The following FAM20C variants were observed in gnomAD, a reference collection of about 807,000 sequenced individuals.
FAM20C encodes the protein FAM20C golgi associated secretory pathway kinase, also known as extracellular serine/threonine protein kinase FAM20C.
In FAM20C, 40 loss-of-function variants were observed where a neutral mutation model predicts 51.5. The observed-to-expected ratio is 0.78, with a 90% CI of 0.60 to 1.01. FAM20C has a LOEUF of 1.01. Ranked by LOEUF, FAM20C falls within the 50% of genes least tolerant of loss-of-function variation. The probability of loss-of-function intolerance (pLI) is 0.00; values close to 1 mark genes in which losing one functional copy is unlikely to be tolerated. For missense variants in FAM20C, 861 were observed against 844.7 expected, an observed-to-expected ratio of 1.02 and a Z score of -0.24; for synonymous variants, 406 against 380.6, an observed-to-expected ratio of 1.07 and a Z score of -0.78.
At chr7:246,915 C>T (rs1261309629) in intron 4 of FAM20C, among the ~76,000 whole-genome samples, 1 of 152,174 alleles carries the variant, frequency 6.6e-6, no homozygotes, top group Non-Finnish European at 1.5e-5. Flanking sequence ...CGCCTGCCCT[C>T]AGGGCACCTT....
intron 3 of FAM20C, among the ~76,000 whole-genome samples, chr7:231,134 C>G (rs1010149206): frequency 6.6e-6 from 1 of 152,082 alleles, no homozygotes; most frequent in Non-Finnish European, 1.5e-5. Context: ...GCAGGACCCT[C>G]CCATCCAAGC....
At position 260,602 on chromosome 7, in the gene FAM20C, G is replaced by C. The variant is rs1041123130; in HGVS notation, c.*622G>C. ...CTGCGAGTCCGCCCGCTGGCCTGCA[G>C]CACCCACCTCGGACTTGGCTGTGGA... On this transcript the variant is annotated 3_prime_UTR_variant, in exon 10 of 10. Transcript: ENST00000313766. The C allele has an allele frequency of 6.6e-6, 1 of 152,560 alleles. No homozygotes were observed. Among genetic ancestry groups the C allele is most frequent in the African/African-American group, 2.4e-5 (1 of 41,606 alleles). 9.5% of individuals were successfully genotyped at this position (152,560 alleles called of 1,614,324 possible).
intron 2 of FAM20C, among the ~76,000 whole-genome samples, chr7:201,886 C>T (rs1017760858): frequency 1.3e-5 from 2 of 152,206 alleles, no homozygotes; most frequent in African/African-American, 4.8e-5. Context: ...AATGAAGGCA[C>T]AGGGCACTCT....
At chr7:245,744 G>C (rs1457124203) in intron 3 of FAM20C, among the ~76,000 whole-genome samples, 1 of 152,364 alleles carries the variant, frequency 6.6e-6, no homozygotes, top group East Asian at 1.9e-4. Flanking sequence ...TTCCCCTGGA[G>C]TATTGGCCTG....
At chr7:212,083 C>T (rs1231374693) in intron 3 of FAM20C, among the ~76,000 whole-genome samples, 1 of 152,200 alleles carries the variant, frequency 6.6e-6, no homozygotes, top group Non-Finnish European at 1.5e-5. Flanking sequence ...ATGATCGTTT[C>T]TTCTTCCGCA....
chr7:223,099 G>C (rs1787313159), intron 3 of FAM20C, among the ~76,000 whole-genome samples: 1 of 152,044 alleles, frequency 6.6e-6, no homozygotes, highest in African/African-American at 2.4e-5. Flanking sequence ...GTGGGGGAGT[G>C]TGCACGTGTG....
At chr7:242,041 C>T (rs1181757988) in intron 3 of FAM20C, among the ~76,000 whole-genome samples, 1 of 152,222 alleles carries the variant, frequency 6.6e-6, no homozygotes, top group Non-Finnish European at 1.5e-5. Context: ...GGGCCAGCCC[C>T]TCCCTGGGCC....
At chr7:217,258 G>A (rs62430297) in intron 3 of FAM20C, among the ~76,000 whole-genome samples, 9,131 of 152,154 alleles carry the variant, frequency 0.06, 301 homozygotes, top group Non-Finnish European at 0.086. Context: ...GGCCTTCTGC[G>A]GGACCTGTGT....
chr7:229,139 C>T (rs1403290065), intron 3 of FAM20C: 1 of 321,702 alleles, frequency 3.1e-6, no homozygotes, highest in African/African-American at 2.2e-5. Flanking sequence ...CAGATGAGGT[C>T]TCGTCATAAC....
At chr7:214,489 C>T (rs28376369) in intron 3 of FAM20C, among the ~76,000 whole-genome samples, 132,917 of 152,282 alleles carry the variant, frequency 0.87, 58,300 homozygotes, top group South Asian at 0.92. Context: ...GTGTGTTAGG[C>T]GAAGAGTGGT....
intron 3 of FAM20C, among the ~76,000 whole-genome samples, chr7:237,837 A>G (rs1787894472): frequency 9.1e-3 from 1 of 110 alleles, no homozygotes; most frequent in African/African-American, 0.019. Context: ...TAATAGTGAT[A>G]GTGATGATGN....
At chr7:207,267 C>G (rs34939847) in intron 2 of FAM20C, among the ~76,000 whole-genome samples, 12 of 45,482 alleles carry the variant, frequency 2.6e-4, no homozygotes, top group East Asian at 8.5e-4. Context: ...TCCACTGTGA[C>G]GCGTCGGTCA....
At chr7:223,556 C>T (rs1257437602) in intron 3 of FAM20C, among the ~76,000 whole-genome samples, 3 of 152,192 alleles carry the variant, frequency 2.0e-5, no homozygotes, top group Non-Finnish European at 2.9e-5. Context: ...TGCCGTGGGG[C>T]GGACATGTCC....
At chr7:236,018 G>A (rs1233303901) in intron 3 of FAM20C, among the ~76,000 whole-genome samples, 2 of 152,228 alleles carry the variant, frequency 1.3e-5, no homozygotes, top group Admixed American at 6.5e-5. Flanking sequence ...CCTGTCACCT[G>A]CCCTCCTCAC....
In FAM20C at chr7:193,695, G is replaced by C. The variant is rs1477874798; in HGVS notation, c.496G>C (p.Glu166Gln). The C allele has an allele frequency of 2.6e-6, 4 of 1,544,866 alleles. No homozygotes were observed. The highest frequency in any genetic ancestry group is 3.5e-6 in the Non-Finnish European group (4 of 1,144,614). ...CGCCTCCCTCCTGGCCAGGCTGTTC[G>C]AGCACCCGCTTTACCGGGTGGCGGT... ...GDASLLARLF[E>Q]HPLYRVAVPP... The change falls in exon 1 of 10, where the codon GAG (glutamate) becomes CAG (glutamine). Residue 166 changes from glutamate (E) to glutamine (Q), a missense_variant. Coordinates refer to ENST00000313766, the MANE Select transcript of FAM20C (RefSeq NM_020223.4).
intron 3 of FAM20C, chr7:227,777 T>A (rs1439912148): frequency 6.6e-6 from 1 of 152,356 alleles, no homozygotes; most frequent in African/African-American, 2.4e-5. Flanking sequence ...CAATTCTTTT[T>A]CCCCGTTTGC....
At chr7:215,162 G>C (rs1200773589) in intron 3 of FAM20C, among the ~76,000 whole-genome samples, 1 of 151,428 alleles carries the variant, frequency 6.6e-6, no homozygotes, top group Non-Finnish European at 1.5e-5. Context: ...CAGAGTGAAA[G>C]AGAAATGTAC....
chr7:194,514 C>T (rs1212652100), intron 1 of FAM20C, among the ~76,000 whole-genome samples: 1 of 151,566 alleles, frequency 6.6e-6, no homozygotes. Context: ...TAACTACCTG[C>T]CGAAGGTTAC....
At chr7:246,877 A>G (rs182220496) in intron 4 of FAM20C, among the ~76,000 whole-genome samples, 1 of 152,176 alleles carries the variant, frequency 6.6e-6, no homozygotes, top group East Asian at 1.9e-4. Context: ...CACGCTCCTA[A>G]TCATCCCTCT....
Sources: gnomAD v4.1 joint callset for allele counts (sites outside exome capture counted in the v4.1 genomes callset) on GRCh38, gnomAD v4.1.1 for gene constraint, MANE v1.5 for transcripts, NCBI Gene and HGNC (gene_info 2026-07-23, HGNC 2026-07-21) for gene names.